CD99: variants seen among roughly 807,000 people sequenced by gnomAD.
CD99 encodes the protein CD99 molecule (Xg blood group).
CD99 carries 19 observed loss-of-function variants against 28.4 expected under a neutral mutation model. That is an observed-to-expected ratio of 0.67 (90% CI 0.47 to 0.98). The LOEUF (loss-of-function observed/expected upper bound fraction) is 0.98. Ranked by LOEUF, CD99 falls within the 50% of genes least tolerant of loss-of-function variation. The pLI is 0.00. For missense variants in CD99, 283 were observed against 248.8 expected (o/e 1.14, Z -0.92); for synonymous variants, 103 against 92.1 (o/e 1.12, Z -0.67).
chrX:2,720,427 A>G lies in CD99; in HGVS notation c.262+3A>G, dbSNP rs770724235. ...CCCCAACCACCCTAGTTCCTCCGGT[A>G]AGAGTCTCTGACCCTGTGGGATGTC... On this transcript the variant is annotated splice_donor_region_variant and intron_variant, in intron 5 of 9. Transcript: ENST00000381192. The G allele has an allele frequency of 1.9e-6, 3 of 1,612,988 alleles. No homozygotes were observed. Among genetic ancestry groups the G allele is most frequent in the Non-Finnish European group, 2.5e-6 (3 of 1,179,054 alleles).
chrX:2,741,122 C>G lies in CD99; in HGVS notation c.*318C>G, dbSNP rs965236684. The G allele has an allele frequency of 2.3e-5, 9 of 390,834 alleles. No homozygotes were observed. Among genetic ancestry groups the G allele is most frequent in the Non-Finnish European group, 3.7e-5 (8 of 217,084 alleles). The allele number at this position is 390,834 out of a possible 1,614,324, so 24.2% of individuals were successfully genotyped here. On this transcript the variant is annotated 3_prime_UTR_variant, in exon 10 of 10. Coordinates refer to ENST00000381192, the MANE Select transcript of CD99 (RefSeq NM_002414.5). Reference sequence around the variant, plus strand: ...AAATGTCAACCCCACCGAGGCACCCCCCCGTCCCCCAGAATCTTGGCTGTT... The same window carrying G: ...AAATGTCAACCCCACCGAGGCACCCGCCCGTCCCCCAGAATCTTGGCTGTT...
intron 1 of CD99, among the ~76,000 whole-genome samples, chrX:2,699,946 C>T (rs1351998848): frequency 1.3e-5 from 2 of 152,212 alleles, no homozygotes; most frequent in East Asian, 3.8e-4. Context: ...ATTTCATCTT[C>T]AGCGAGCCCT....
intron 1 of CD99, among the ~76,000 whole-genome samples, chrX:2,711,395 T>C (rs2048401169): frequency 7.5e-6 from 1 of 133,880 alleles, no homozygotes; most frequent in South Asian, 2.3e-4. Context: ...TATGTGTATA[T>C]ATAGTATGTG....
chrX:2,694,789 C>T (rs2047496030), intron 1 of CD99, among the ~76,000 whole-genome samples: 1 of 151,990 alleles, frequency 6.6e-6, no homozygotes, highest in Admixed American at 6.6e-5. Flanking sequence ...AGCTCTTTCT[C>T]CTTTCTCTGT....
At position 2,710,322 on chromosome X, in the gene CD99, C is replaced by G. The variant is rs370373787; in HGVS notation, c.68-4100C>G. On this transcript the variant is annotated intron_variant, in intron 1 of 9. Coordinates refer to ENST00000381192, the MANE Select transcript of CD99 (RefSeq NM_002414.5). Reference sequence around the variant, plus strand: ...AGAAACCTTCCGAGTCTCGTACGCCCTTGACTGCCGTTTCTGAGTATTTCC... The same window carrying G: ...AGAAACCTTCCGAGTCTCGTACGCCGTTGACTGCCGTTTCTGAGTATTTCC... 1.7e-4 allele frequency among the ~76,000 whole-genome samples: 26 copies of G among 152,230 alleles called. 1 individual carries two copies. The highest frequency in any genetic ancestry group is 1.1e-3 in the Admixed American group (17 of 15,288).
At chrX:2,712,776 TACAC>T (rs769964356) in intron 1 of CD99, among the ~76,000 whole-genome samples, 31 of 151,374 alleles carry the variant, frequency 2.0e-4, no homozygotes, top group African/African-American at 6.1e-4. Context: ...CAGCCATGAG[TACAC>T]ACACACACAG....
chrX:2,717,367 G>A (rs2048777139), intron 2 of CD99: 2 of 470,028 alleles, frequency 4.3e-6, no homozygotes, highest in South Asian at 3.4e-5. Context: ...AAAAAAAGAA[G>A]TGGAGAAGGG....
chrX:2,710,403 T>C (rs1279550860), intron 1 of CD99, among the ~76,000 whole-genome samples: 1 of 152,164 alleles, frequency 6.6e-6, no homozygotes, highest in African/African-American at 2.4e-5. Context: ...TGCTTTGTTT[T>C]GTTTCTTTAG....
At chrX:2,708,994 G>A (rs1439575615) in intron 1 of CD99, among the ~76,000 whole-genome samples, 1 of 152,174 alleles carries the variant, frequency 6.6e-6, no homozygotes, top group Non-Finnish European at 1.5e-5. Flanking sequence ...GCCTCTGAGG[G>A]CAGGTGGAGC....
At chrX:2,721,583 A>T (rs1023758347) in intron 5 of CD99, among the ~76,000 whole-genome samples, 1 of 152,160 alleles carries the variant, frequency 6.6e-6, no homozygotes, top group Non-Finnish European at 1.5e-5. Flanking sequence ...GGCACGAGTC[A>T]CCTCACCCAG....
In CD99 at chrX:2,704,770, G is replaced by A. The variant is rs989340372; in HGVS notation, c.68-9652G>A. ...TCTCTGTTGCCCAGGCTGGAGTGCC[G>A]TGGTGCAGTGTCAGCTCCCTGCAAT... On this transcript the variant is annotated intron_variant, in intron 1 of 9. Coordinates refer to ENST00000381192, the MANE Select transcript of CD99 (RefSeq NM_002414.5). Among the ~76,000 whole-genome samples the A allele has an allele frequency of 7.2e-5, 11 of 151,796 alleles. No homozygotes were observed. In the South Asian group the frequency reaches 8.3e-4, roughly 11 times the overall value.
chrX:2,722,396 C>G (rs1219270037), intron 5 of CD99, among the ~76,000 whole-genome samples: 4 of 152,186 alleles, frequency 2.6e-5, no homozygotes, highest in Admixed American at 6.5e-5. Context: ...TCTTGGCTCA[C>G]TGCAACCTCC....
intron 7 of CD99, among the ~76,000 whole-genome samples, chrX:2,725,479 G>A (rs1157929063): frequency 6.6e-6 from 1 of 152,138 alleles, no homozygotes; most frequent in African/African-American, 2.4e-5. Flanking sequence ...TATCTTCAAG[G>A]GGTGAAAAAG....
chrX:2,733,476 C>G (rs41302605), intron 8 of CD99: 29,982 of 1,267,744 alleles, frequency 0.024, 441 homozygotes, highest in Middle Eastern at 0.029. Context: ...TGCCGCTCCC[C>G]TCGCCCTGCT....
chrX:2,691,450 G>T (rs765317212), intron 1 of CD99, 23 bp downstream of exon 1: 1 of 1,575,806 alleles, frequency 6.3e-7, no homozygotes, highest in Admixed American at 1.7e-5. Flanking sequence ...AGGGATCCGG[G>T]TTGGGGGACG....
intron 8 of CD99, among the ~76,000 whole-genome samples, chrX:2,730,929 C>CAAAA (rs4034603): frequency 1.9e-5 from 2 of 106,200 alleles, no homozygotes; most frequent in African/African-American, 3.7e-5. Context: ...GACTCTGTCT[C>CAAAA]AAAAAAAAAA....
intron 1 of CD99, among the ~76,000 whole-genome samples, chrX:2,694,757 A>G (rs1382919234): frequency 7.1e-6 from 1 of 141,704 alleles, no homozygotes; most frequent in South Asian, 2.2e-4. Flanking sequence ...AGTCTCAAAG[A>G]AAAAAAAAAA....
At chrX:2,712,281 A>G (rs1468786871) in intron 1 of CD99, among the ~76,000 whole-genome samples, 1 of 152,170 alleles carries the variant, frequency 6.6e-6, no homozygotes, top group Non-Finnish European at 1.5e-5. Context: ...TCCATCAGAT[A>G]GGAAGGGATA....
In CD99 at chrX:2,711,999, C is replaced by T. The variant is rs181672583; in HGVS notation, c.68-2423C>T. Among the ~76,000 whole-genome samples the T allele has an allele frequency of 1.2e-4, 19 of 152,130 alleles. 1 individual carries two copies. In the East Asian group the frequency reaches 2.9e-3, roughly 23 times the overall value. Reference sequence around the variant, plus strand: ...GGAGGTTGTAGTGAGCCAAGATCATCGCACTCCAGCTTGGGCAACAGAGTG... The same window carrying T: ...GGAGGTTGTAGTGAGCCAAGATCATTGCACTCCAGCTTGGGCAACAGAGTG... On this transcript the variant is annotated intron_variant, in intron 1 of 9. Transcript: ENST00000381192.
Sources: gnomAD v4.1 joint callset for allele counts (sites outside exome capture counted in the v4.1 genomes callset) on GRCh38, gnomAD v4.1.1 for gene constraint, MANE v1.5 for transcripts, NCBI Gene and HGNC (gene_info 2026-07-23, HGNC 2026-07-21) for gene names.